DGKB: variants seen among roughly 807,000 people sequenced by gnomAD.
DGKB encodes 90 kDa diacylglycerol kinase.
Under a neutral mutation model 114.3 loss-of-function variants are expected in DGKB, and 67 were observed. The observed-to-expected ratio is 0.59, with a 90% CI of 0.48 to 0.72. The LOEUF (loss-of-function observed/expected upper bound fraction) is 0.72, where lower values mean the gene tolerates loss of function less well. Ranked by LOEUF, DGKB falls within the 30% of genes least tolerant of loss-of-function variation. DGKB has a pLI of 0.00. For synonymous variants in DGKB, 398 were observed against 323.1 expected (o/e 1.23, Z -2.49); for missense variants, 907 against 975.2 (o/e 0.93, Z 0.93).
chr7:14,282,956 A>C (rs1197429180), intron 23 of DGKB, among the ~76,000 whole-genome samples: 1 of 151,978 alleles, frequency 6.6e-6, no homozygotes, highest in African/African-American at 2.4e-5. Flanking sequence ...CTGGCACAAG[A>C]CAGGGATGCC....
chr7:14,312,223 A>T (rs1370297728), intron 23 of DGKB, among the ~76,000 whole-genome samples: 1 of 152,230 alleles, frequency 6.6e-6, no homozygotes, highest in East Asian at 1.9e-4. Flanking sequence ...GACCTGAAAC[A>T]TTGACACAGT....
At chr7:14,568,598 C>G (rs1300282574) in intron 20 of DGKB, among the ~76,000 whole-genome samples, 1 of 152,170 alleles carries the variant, frequency 6.6e-6, no homozygotes. Flanking sequence ...AGAGCAGAGC[C>G]TCTCCCCAAT....
chr7:14,884,550 C>A (rs1454116266), intron 1 of DGKB, among the ~76,000 whole-genome samples: 1 of 152,056 alleles, frequency 6.6e-6, no homozygotes, highest in African/African-American at 2.4e-5. Context: ...TCCCTGACAG[C>A]CTGACTTTTT....
intron 23 of DGKB, among the ~76,000 whole-genome samples, chr7:14,243,242 A>C (rs1157045202): frequency 6.6e-6 from 1 of 152,178 alleles, no homozygotes; most frequent in African/African-American, 2.4e-5. Flanking sequence ...CCCAATGCCT[A>C]CTTAAGTGTG....
intron 23 of DGKB, among the ~76,000 whole-genome samples, chr7:14,199,322 T>A (rs1231218478): frequency 6.6e-6 from 1 of 151,738 alleles, no homozygotes; most frequent in Non-Finnish European, 1.5e-5. Flanking sequence ...GTGGGGGGAA[T>A]ACAGAATGAA....
At chr7:14,538,613 T>A (rs1449271187) in intron 20 of DGKB, among the ~76,000 whole-genome samples, 4 of 152,204 alleles carry the variant, frequency 2.6e-5, no homozygotes, top group Non-Finnish European at 5.9e-5. Flanking sequence ...CCATATGTTC[T>A]AGTGATCCCA....
chr7:14,280,431 A>C (rs1482895125), intron 23 of DGKB, among the ~76,000 whole-genome samples: 1 of 151,740 alleles, frequency 6.6e-6, no homozygotes, highest in Non-Finnish European at 1.5e-5. Flanking sequence ...GTTGGAAAAC[A>C]CTCTGCAGGA....
chr7:14,553,697 C>G (rs1288964775), intron 20 of DGKB, among the ~76,000 whole-genome samples: 1 of 152,014 alleles, frequency 6.6e-6, no homozygotes, highest in Admixed American at 6.6e-5. Flanking sequence ...TTGAATAATG[C>G]TATGAAACTT....
chr7:14,868,334 CT>C, intron 1 of DGKB, among the ~76,000 whole-genome samples: 1 of 107,344 alleles, frequency 9.3e-6, no homozygotes, highest in Non-Finnish European at 1.8e-5. Context: ...TTTTTCTTTC[CT>C]TTTCATTTTT....
intron 5 of DGKB, among the ~76,000 whole-genome samples, chr7:14,733,917 T>G (rs960887164): frequency 6.6e-6 from 1 of 152,164 alleles, no homozygotes; most frequent in Admixed American, 6.5e-5. Context: ...TTCATCATAT[T>G]GTCTAAGTTT....
intron 23 of DGKB, among the ~76,000 whole-genome samples, chr7:14,242,392 C>A (rs1265869834): frequency 6.6e-6 from 1 of 152,144 alleles, no homozygotes; most frequent in Non-Finnish European, 1.5e-5. Flanking sequence ...GGTCATTCTG[C>A]CTCTACTTTG....
chr7:14,346,515 T>C (rs1024035642), intron 21 of DGKB, among the ~76,000 whole-genome samples: 1 of 151,982 alleles, frequency 6.6e-6, no homozygotes, highest in Non-Finnish European at 1.5e-5. Flanking sequence ...TTCAGGCCAG[T>C]AATCTGAAGG....
intron 23 of DGKB, among the ~76,000 whole-genome samples, chr7:14,335,556 A>G (rs1018124963): frequency 4.6e-5 from 7 of 152,158 alleles, no homozygotes; most frequent in Admixed American, 2.0e-4. Flanking sequence ...TAAGTTTTTC[A>G]TTTCATTTCA....
At chr7:14,261,102 C>A (rs1288862714) in intron 23 of DGKB, among the ~76,000 whole-genome samples, 1 of 151,924 alleles carries the variant, frequency 6.6e-6, no homozygotes, top group East Asian at 1.9e-4. Context: ...ATTAATTGGG[C>A]AATTGCTAGA....
chr7:14,468,303 G>A (rs1193328894), intron 21 of DGKB, among the ~76,000 whole-genome samples: 2 of 152,000 alleles, frequency 1.3e-5, no homozygotes, highest in African/African-American at 4.8e-5. Flanking sequence ...AATTAGTTTA[G>A]AGGGTCTCTT....
chr7:14,654,127 T>C (rs940073338), intron 13 of DGKB, among the ~76,000 whole-genome samples: 1 of 151,976 alleles, frequency 6.6e-6, no homozygotes, highest in African/African-American at 2.4e-5. Flanking sequence ...ATCTTACATA[T>C]AGAAAAACCT....
intron 13 of DGKB, among the ~76,000 whole-genome samples, chr7:14,664,767 C>T (rs764244213): frequency 1.3e-5 from 2 of 151,884 alleles, no homozygotes; most frequent in Non-Finnish European, 2.9e-5. Flanking sequence ...TGTATCACAC[C>T]CTAATATTTA....
At chr7:14,784,815 G>A (rs1164758777) in intron 2 of DGKB, among the ~76,000 whole-genome samples, 1 of 150,552 alleles carries the variant, frequency 6.6e-6, no homozygotes, top group Admixed American at 6.6e-5. Context: ...TACCTCCTGT[G>A]TCAACTGCTG....
chr7:14,203,389 T>C (rs1786222022), intron 23 of DGKB, among the ~76,000 whole-genome samples: 1 of 152,004 alleles, frequency 6.6e-6, no homozygotes, highest in Non-Finnish European at 1.5e-5. Flanking sequence ...CTGATTCTTA[T>C]ACTCTTCTAT....
Sources: allele counts gnomAD v4.1 joint callset (sites outside exome capture counted in the v4.1 genomes callset), GRCh38; gene constraint gnomAD v4.1.1; transcripts MANE v1.5; gene names NCBI Gene and HGNC (gene_info 2026-07-23, HGNC 2026-07-21).